Variants in MMAA observed in about 807,000 individuals in gnomAD.
MMAA encodes metabolism of cobalamin associated A.
MMAA carries 41 observed loss-of-function variants against 45.0 expected under a neutral mutation model. That is an observed-to-expected ratio of 0.91 (90% CI 0.71 to 1.18). The LOEUF is 1.18. MMAA is among the 50% of genes most tolerant of loss of function. The pLI is 0.00. For synonymous variants in MMAA, 154 were observed against 178.2 expected, an observed-to-expected ratio of 0.86 and a Z score of 1.08; for missense variants, 460 against 495.7, an observed-to-expected ratio of 0.93 and a Z score of 0.68.
intron 1 of MMAA, chr4:145,625,622 T>C (rs932775599): frequency 1.2e-6 from 1 of 858,158 alleles, no homozygotes; most frequent in Non-Finnish European, 2.0e-6. Flanking sequence ...CTTCAAAGAG[T>C]AGGACATTTG....
intron 1 of MMAA, among the ~76,000 whole-genome samples, chr4:145,634,485 G>T (rs1270129279): frequency 6.6e-6 from 1 of 151,608 alleles, no homozygotes; most frequent in Non-Finnish European, 1.5e-5. Context: ...CCCAGGGCAG[G>T]TCCAGAAATG....
At chr4:145,650,497 G>A (rs1728060741) in intron 4 of MMAA, 3 of 161,114 alleles carry the variant, frequency 1.9e-5, no homozygotes, top group Admixed American at 1.2e-4. Context: ...TAGCTGCTGT[G>A]GGAAATGGAA....
At chr4:145,624,788 T>A (rs1380007094) in intron 1 of MMAA, 1 of 1,605,798 alleles carries the variant, frequency 6.2e-7, no homozygotes, top group Non-Finnish European at 8.5e-7. Flanking sequence ...CTGCAAAGCT[T>A]ATGCAGGGCT....
At chr4:145,652,672 G>C (rs113431093) in intron 5 of MMAA, among the ~76,000 whole-genome samples, 19,455 of 151,802 alleles carry the variant, frequency 0.13, 1,598 homozygotes, top group African/African-American at 0.22. Context: ...AGAGTTTGCA[G>C]TGAGCCAAGA....
intron 4 of MMAA, among the ~76,000 whole-genome samples, chr4:145,647,019 T>C (rs1409658180): frequency 2.0e-5 from 3 of 151,870 alleles, no homozygotes; most frequent in Non-Finnish European, 4.4e-5. Flanking sequence ...ACCAGATAGG[T>C]ATTTTGGAGA....
At chr4:145,636,057 A>C (rs79296355) in intron 1 of MMAA, among the ~76,000 whole-genome samples, 3,218 of 152,296 alleles carry the variant, frequency 0.021, 61 homozygotes, top group Non-Finnish European at 0.032. Context: ...TACTGTCCTC[A>C]TGGAATTAAC....
intron 1 of MMAA, chr4:145,624,066 G>A (rs1242751583): frequency 1.2e-6 from 1 of 817,824 alleles, no homozygotes; most frequent in African/African-American, 1.7e-5. Context: ...TAACTGGTCA[G>A]ACCCAGAAAC....
chr4:145,624,488 T>G (rs1041975118), intron 1 of MMAA: 13 of 959,646 alleles, frequency 1.4e-5, no homozygotes, highest in Non-Finnish European at 2.1e-5. Context: ...TAGGACTTCC[T>G]TCTTTGTATG....
intron 1 of MMAA, among the ~76,000 whole-genome samples, chr4:145,627,576 C>T (rs905166343): frequency 4.6e-5 from 7 of 152,026 alleles, no homozygotes; most frequent in Admixed American, 1.3e-4. Context: ...TGGTAAGGAG[C>T]GGTCTATAAG....
At chr4:145,624,726 A>G in intron 1 of MMAA, 1 of 1,579,834 alleles carries the variant, frequency 6.3e-7, no homozygotes, top group Non-Finnish European at 8.7e-7. Context: ...TTCTTTGTTC[A>G]GAAGCCACTT....
chr4:145,634,323 C>T (rs988520892), intron 1 of MMAA, among the ~76,000 whole-genome samples: 2 of 152,180 alleles, frequency 1.3e-5, no homozygotes, highest in Non-Finnish European at 2.9e-5. Context: ...GGCAGAGGAG[C>T]CTCACCCCAT....
At chr4:145,638,158 A>G (rs1727670842) in intron 1 of MMAA, among the ~76,000 whole-genome samples, 1 of 152,072 alleles carries the variant, frequency 6.6e-6, no homozygotes, top group Non-Finnish European at 1.5e-5. Flanking sequence ...TCACGAGGTC[A>G]GGAGATCGAG....
At chr4:145,642,240 TATTA>T (rs1314855004) in intron 2 of MMAA, 119 bp from the exon 3 acceptor site, 1 of 1,109,474 alleles carries the variant, frequency 9.0e-7, no homozygotes, top group Admixed American at 1.9e-5. Context: ...TGTTGAAATA[TATTA>T]ATTGTGGTTT....
At chr4:145,649,654 T>C (rs370556633) in intron 4 of MMAA, among the ~76,000 whole-genome samples, 13 of 152,286 alleles carry the variant, frequency 8.5e-5, no homozygotes, top group Admixed American at 3.9e-4. Context: ...TGGTCTTTCA[T>C]CTGATACACT....
chr4:145,642,601 A>G, intron 3 of MMAA, 116 bp downstream of exon 3: 1 of 1,426,898 alleles, frequency 7.0e-7, no homozygotes, highest in Middle Eastern at 1.8e-4. Context: ...GGTCTCGCTA[A>G]AGGAAGGGAG....
chr4:145,649,125 CAAAAA>C (rs201679920), intron 4 of MMAA, among the ~76,000 whole-genome samples: 3 of 89,874 alleles, frequency 3.3e-5, no homozygotes, highest in East Asian at 3.7e-4. Context: ...TTGGTTCTAT[CAAAAA>C]AAAAAAAAAA....
In MMAA at chr4:145,639,225, AC is replaced by A. The variant is rs765782136; in HGVS notation, c.87del (p.Ser30GlnfsTer32). 1 of 1,613,994 alleles carries A rather than the reference AC, an allele frequency of 6.2e-7. No individual in the cohort carries two copies. Among genetic ancestry groups the A allele is most frequent in the Non-Finnish European group, 8.5e-7 (1 of 1,179,990 alleles). Reference sequence around the variant, plus strand: ...TTCCGATGTTACCACTTCATCTTTCACTCAAGTACTCATCTCGGATCAGGAA... The same window carrying A: ...TTCCGATGTTACCACTTCATCTTTCATCAAGTACTCATCTCGGATCAGGAA... ...APFRCYHFIF[H>X]SSTHLGSGIP... On this transcript the variant is annotated frameshift_variant, in exon 2 of 7. Coordinates refer to ENST00000649156, the MANE Select transcript of MMAA (RefSeq NM_172250.3). LOFTEE classifies it high-confidence loss of function.
intron 1 of MMAA, among the ~76,000 whole-genome samples, chr4:145,636,038 T>C (rs1363188651): frequency 6.6e-6 from 1 of 152,218 alleles, no homozygotes; most frequent in African/African-American, 2.4e-5. Context: ...ATGAAAATAA[T>C]AACTGTTGTA....
intron 4 of MMAA, 57 bp from the exon 5 acceptor site, chr4:145,651,005 T>G: frequency 5.1e-5 from 76 of 1,485,536 alleles, no homozygotes; most frequent in Non-Finnish European, 6.4e-5. Flanking sequence ...TCAATGTAGT[T>G]GAGAAAGTCA....
Sources: allele counts gnomAD v4.1 joint callset (sites outside exome capture counted in the v4.1 genomes callset), GRCh38; gene constraint gnomAD v4.1.1; transcripts MANE v1.5; gene names NCBI Gene and HGNC (gene_info 2026-07-23, HGNC 2026-07-21).